Variants in PCBP3 observed in about 807,000 individuals in gnomAD.
PCBP3 encodes poly(rC)-binding protein 3.
Under a neutral mutation model 52.7 loss-of-function variants are expected in PCBP3, and 25 were observed. The observed-to-expected ratio is 0.47, with a 90% CI of 0.35 to 0.66. The LOEUF (loss-of-function observed/expected upper bound fraction) is 0.66, where lower values mean the gene tolerates loss of function less well. Among genes scored for constraint, PCBP3 ranks in the 30% least tolerant of loss-of-function variants. PCBP3 has a pLI of 0.01. For missense variants in PCBP3, 391 were observed against 490.3 expected (o/e 0.80, Z 1.91); for synonymous variants, 162 against 183.0 (o/e 0.89, Z 0.93).
chr21:45,909,300 G>A, intron 9 of PCBP3, 55 bp from the exon 10 acceptor site: 2 of 1,574,382 alleles, frequency 1.3e-6, no homozygotes, highest in Non-Finnish European at 1.7e-6. Flanking sequence ...CTGCCCTCCT[G>A]CTTTCTCACT....
chr21:45,718,617 A>G (rs2084393340), intron 2 of PCBP3, among the ~76,000 whole-genome samples: 1 of 151,982 alleles, frequency 6.6e-6, no homozygotes, highest in Non-Finnish European at 1.5e-5. Flanking sequence ...CACAATGCTC[A>G]CTGTTCTTAC....
intron 3 of PCBP3, among the ~76,000 whole-genome samples, chr21:45,739,662 AC>A (rs1488392098): frequency 3.7e-4 from 9 of 24,378 alleles, no homozygotes; most frequent in Non-Finnish European, 6.4e-4. Flanking sequence ...TCATCAGCCC[AC>A]CCCTTCCTAT....
At chr21:45,756,489 T>G (rs1401991852) in intron 4 of PCBP3, among the ~76,000 whole-genome samples, 1 of 152,222 alleles carries the variant, frequency 6.6e-6, no homozygotes, top group Non-Finnish European at 1.5e-5. Context: ...AGATTTTGAT[T>G]GAGATAGTGT....
At chr21:45,819,756 G>A (rs1216763373) in intron 4 of PCBP3, among the ~76,000 whole-genome samples, 5 of 152,242 alleles carry the variant, frequency 3.3e-5, no homozygotes, top group African/African-American at 4.8e-5. Flanking sequence ...TTGTCTGGCA[G>A]CTGCTGGGCG....
intron 13 of PCBP3, among the ~76,000 whole-genome samples, chr21:45,920,547 C>G (rs1465359590): frequency 6.6e-6 from 1 of 152,188 alleles, no homozygotes; most frequent in Non-Finnish European, 1.5e-5. Flanking sequence ...ATGTCTATTC[C>G]TCCACAATTT....
chr21:45,793,775 TC>T (rs1165270905), intron 4 of PCBP3, among the ~76,000 whole-genome samples: 1 of 152,170 alleles, frequency 6.6e-6, no homozygotes, highest in Non-Finnish European at 1.5e-5. Flanking sequence ...TAGAACAGTA[TC>T]TTCAAAATAC....
intron 4 of PCBP3, among the ~76,000 whole-genome samples, chr21:45,779,497 T>C (rs909271402): frequency 1.3e-5 from 2 of 152,212 alleles, no homozygotes; most frequent in Non-Finnish European, 2.9e-5. Context: ...ACATTCTCTC[T>C]TGGGTAATGT....
intron 15 of PCBP3, among the ~76,000 whole-genome samples, chr21:45,934,245 G>A (rs2076643053): frequency 6.6e-6 from 1 of 152,164 alleles, no homozygotes; most frequent in Non-Finnish European, 1.5e-5. Context: ...ACCACGTGGG[G>A]CCTGCAAGGG....
intron 4 of PCBP3, among the ~76,000 whole-genome samples, chr21:45,797,972 G>GATGT (rs1193552993): frequency 2.6e-5 from 1 of 38,384 alleles, no homozygotes; most frequent in Non-Finnish European, 5.0e-5. Flanking sequence ...AGAGTGAATG[G>GATGT]ATGTGTACAT....
intron 4 of PCBP3, among the ~76,000 whole-genome samples, chr21:45,815,995 T>G (rs1172742047): frequency 1.8e-5 from 2 of 108,476 alleles, no homozygotes; most frequent in Non-Finnish European, 1.9e-5. Flanking sequence ...GGTGAGTGAG[T>G]GGTGAGTGGT....
intron 1 of PCBP3, among the ~76,000 whole-genome samples, chr21:45,662,906 G>A (rs530644929): frequency 2.0e-5 from 3 of 152,092 alleles, no homozygotes; most frequent in Non-Finnish European, 2.9e-5. Context: ...GGGAAAGGGA[G>A]TCTCCCTTTC....
chr21:45,784,529 T>G (rs1484608018), intron 4 of PCBP3, among the ~76,000 whole-genome samples: 1 of 152,146 alleles, frequency 6.6e-6, no homozygotes, highest in African/African-American at 2.4e-5. Context: ...TGGACTGTAC[T>G]GCTGCCATCT....
chr21:45,909,704 C>A (rs997807525), intron 10 of PCBP3, among the ~76,000 whole-genome samples: 1 of 145,646 alleles, frequency 6.9e-6, no homozygotes, highest in Admixed American at 7.1e-5. Flanking sequence ...TGCCCAGATA[C>A]GGACCCGGCC....
intron 1 of PCBP3, among the ~76,000 whole-genome samples, chr21:45,652,020 T>C (rs1288941257): frequency 6.6e-6 from 1 of 152,224 alleles, no homozygotes; most frequent in Admixed American, 6.5e-5. Context: ...CTTTAATGTT[T>C]GGGGAAAAGC....
chr21:45,823,236 G>A (rs1313974980), intron 4 of PCBP3, among the ~76,000 whole-genome samples: 2 of 152,190 alleles, frequency 1.3e-5, no homozygotes, highest in East Asian at 3.9e-4. Flanking sequence ...AGTCACCTCT[G>A]TTCCCTGCAT....
chr21:45,673,449 G>A (rs2081289918), intron 2 of PCBP3: 1 of 152,104 alleles, frequency 6.6e-6, no homozygotes, highest in African/African-American at 2.4e-5. Context: ...GAGATATAAA[G>A]ATAAACATTT....
chr21:45,794,758 T>C (rs1448980304), intron 4 of PCBP3, among the ~76,000 whole-genome samples: 1 of 151,956 alleles, frequency 6.6e-6, no homozygotes, highest in East Asian at 1.9e-4. Flanking sequence ...TGAAACCCCA[T>C]CTCTACTAAA....
chr21:45,733,606 G>T (rs2085631800), intron 2 of PCBP3, among the ~76,000 whole-genome samples: 6 of 151,344 alleles, frequency 4.0e-5, no homozygotes, highest in Admixed American at 3.3e-4. Context: ...ATTTATTTAT[G>T]TATTTATTTA....
Position 45,805,548 on chromosome 21 carries a change from G to A in PCBP3, c.-125-44413G>A, listed in dbSNP as rs959425505. Among the ~76,000 whole-genome samples the A allele has an allele frequency of 2.0e-5, 3 of 152,210 alleles. No individual in the cohort carries two copies. The highest frequency in any genetic ancestry group is 7.2e-5 in the African/African-American group (3 of 41,466). On this transcript the variant is annotated intron_variant, in intron 4 of 17. Coordinates refer to ENST00000681687, the MANE Select transcript of PCBP3 (RefSeq NM_001384156.1). This position sits in a 1 kb window ranked among gnomAD's most constrained non-coding sequence, Gnocchi z 4.6. ...GAGGTGCTCAGAGGCCTTGTGGGCAGTGTGGCAGAACGGCACATACAGGTG... is the reference window on the plus strand; with the variant it reads ...GAGGTGCTCAGAGGCCTTGTGGGCAATGTGGCAGAACGGCACATACAGGTG...
Sources: gnomAD v4.1 joint callset for allele counts (sites outside exome capture counted in the v4.1 genomes callset) on GRCh38, gnomAD v4.1.1 for gene constraint, Gnocchi (gnomAD v3.1) non-coding constraint, MANE v1.5 for transcripts, NCBI Gene and HGNC (gene_info 2026-07-23, HGNC 2026-07-21) for gene names.